Variants in VRTN observed in about 807,000 individuals in gnomAD.
VRTN encodes the protein vertnin.
Under a neutral mutation model 18.2 loss-of-function variants are expected in VRTN, and 5 were observed. That is an observed-to-expected ratio of 0.27 (90% CI 0.14 to 0.58). VRTN has a LOEUF of 0.58. Ranked by LOEUF, VRTN falls within the 20% of genes least tolerant of loss-of-function variation. VRTN has a pLI of 0.91. For synonymous variants in VRTN, 381 were observed against 393.7 expected (o/e 0.97, Z 0.38); for missense variants, 741 against 939.4 (o/e 0.79, Z 2.76).
At chr14:74,307,137 C>CTTTTTT (rs56345315) in intron 1 of VRTN, among the ~76,000 whole-genome samples, 111 of 87,674 alleles carry the variant, frequency 1.3e-3, no homozygotes, top group Middle Eastern at 9.4e-3. Flanking sequence ...TGTTGTGGCC[C>CTTTTTT]TTTTTTTTTT....
intron 1 of VRTN, among the ~76,000 whole-genome samples, chr14:74,309,476 C>A (rs115319072): frequency 6.6e-6 from 1 of 152,174 alleles, no homozygotes; most frequent in Non-Finnish European, 1.5e-5. Context: ...AAATCAACAG[C>A]CCACTTAAAG....
At chr14:74,339,933 G>A (rs559500957) in intron 2 of VRTN, among the ~76,000 whole-genome samples, 4 of 152,230 alleles carry the variant, frequency 2.6e-5, no homozygotes, top group Non-Finnish European at 5.9e-5. Context: ...TAGAATGAAT[G>A]AGAAGCCTTT....
At chr14:74,334,528 T>TCAAA (rs1419625290) in intron 1 of VRTN, among the ~76,000 whole-genome samples, 2 of 152,130 alleles carry the variant, frequency 1.3e-5, no homozygotes, top group Non-Finnish European at 2.9e-5. Context: ...AGACTCCATG[T>TCAAA]CAAACAAACA....
intron 1 of VRTN, among the ~76,000 whole-genome samples, chr14:74,352,082 C>G (rs763313957): frequency 3.5e-4 from 53 of 151,802 alleles, no homozygotes; most frequent in African/African-American, 1.2e-3. Context: ...GATCTCTTGA[C>G]CTTGTGATCC....
intron 1 of VRTN, among the ~76,000 whole-genome samples, chr14:74,315,742 C>T (rs1440272985): frequency 6.6e-6 from 1 of 152,186 alleles, no homozygotes; most frequent in African/African-American, 2.4e-5. Context: ...ACTGGATCCA[C>T]ACCCTGAGAC....
chr14:74,319,847 C>A (rs914967450), intron 1 of VRTN, among the ~76,000 whole-genome samples: 1 of 152,134 alleles, frequency 6.6e-6, no homozygotes, highest in African/African-American at 2.4e-5. Context: ...GGGAGTCCAA[C>A]ATCTAGTAGT....
chr14:74,339,410 C>A (rs551863495), intron 2 of VRTN, among the ~76,000 whole-genome samples: 10 of 151,690 alleles, frequency 6.6e-5, no homozygotes, highest in South Asian at 2.1e-4. Flanking sequence ...CACCAAGGGA[C>A]TCTGGATGGG....
chr14:74,310,266 A>G (rs1461489671), intron 1 of VRTN, among the ~76,000 whole-genome samples: 1 of 151,604 alleles, frequency 6.6e-6, no homozygotes, highest in Admixed American at 6.6e-5. Flanking sequence ...GCGTGGTGGC[A>G]CATTCCTGTA....
chr14:74,305,832 C>T (rs1006100286), intron 1 of VRTN, among the ~76,000 whole-genome samples: 3 of 152,000 alleles, frequency 2.0e-5, no homozygotes, highest in Non-Finnish European at 2.9e-5. Flanking sequence ...GACAGGGTTT[C>T]ACCATGTTGG....
At chr14:74,327,629 G>C (rs1173438810) in intron 1 of VRTN, among the ~76,000 whole-genome samples, 1 of 152,186 alleles carries the variant, frequency 6.6e-6, no homozygotes, top group Non-Finnish European at 1.5e-5. Flanking sequence ...GCTGCTCCGC[G>C]ATTCCTCCTT....
chr14:74,315,160 C>A (rs2085412069), intron 1 of VRTN, among the ~76,000 whole-genome samples: 1 of 152,176 alleles, frequency 6.6e-6, no homozygotes, highest in Non-Finnish European at 1.5e-5. Flanking sequence ...AAGTGCCATA[C>A]TTTGGGGTAT....
At chr14:74,322,638 G>T (rs2085463674) in intron 1 of VRTN, among the ~76,000 whole-genome samples, 1 of 152,086 alleles carries the variant, frequency 6.6e-6, no homozygotes, top group Non-Finnish European at 1.5e-5. Context: ...TCCTGTCATA[G>T]CCCCTATGGA....
rs1595177590 is a variant in VRTN, at chr14:74,357,704, G to A, written c.921G>A (p.Arg307=). The A allele has an allele frequency of 3.1e-6, 5 of 1,613,572 alleles. No individual in the cohort carries two copies. The East Asian group carries it at 1.1e-4, about 36-fold the overall frequency. ...GGCGGCGGCAGTCCCAGGAGCACCG[G>A]CAGAAGGTTGCTGCCCGCTTCTCCG... ...YRWRRQSQEH[R]QKVAARFSAK... is the part of the protein sequence containing the mutation. Residue 307 remains arginine, a synonymous_variant, in exon 2 of 2, where the codon CGG becomes CGA. Transcript: ENST00000256362. This position sits in a 1 kb window ranked among gnomAD's most constrained non-coding sequence, Gnocchi z 7.8.
rs1217342624 is a variant in VRTN, at chr14:74,359,222, A to G, written c.*330A>G. ...TGGAGTTGGAAGCCGTATGTATGTC[A>G]GGGGGTTTAGAGGGGGGTTGGTTAG... is the stretch of plus-strand genomic sequence containing the variant. On this transcript the variant is annotated 3_prime_UTR_variant, in exon 2 of 2. Coordinates refer to ENST00000256362, the MANE Select transcript of VRTN (RefSeq NM_018228.3). 17 of 263,400 alleles carry G rather than the reference A, an allele frequency of 6.5e-5. No individual in the cohort carries two copies. The highest frequency in any genetic ancestry group is 3.8e-5 in the Non-Finnish European group (5 of 131,426). The allele number at this position is 263,400 out of a possible 1,614,324, so 16.3% of individuals were successfully genotyped here.
At position 74,357,593 on chromosome 14, in the gene VRTN, C is replaced by G. The variant is rs764304788; in HGVS notation, c.810C>G (p.Thr270=). 25 of 1,613,962 alleles carry G rather than the reference C, an allele frequency of 1.5e-5. No homozygotes were observed. Among genetic ancestry groups the G allele is most frequent in the Non-Finnish European group, 2.0e-5 (24 of 1,180,042 alleles). ...CCCCACTCTCATCGCCGGCCAAGAC[C>G]CTGGAGCTGCTCAACCGTGAACCTG... The part of the protein sequence containing the change: ...ALAPLSSPAK[T]LELLNREPGL... The change falls in exon 2 of 2, where the codon ACC becomes ACG. Residue 270 remains threonine (T), a synonymous_variant. Transcript: ENST00000256362. The surrounding 1 kb of genome is among the most constrained non-coding windows in gnomAD (Gnocchi z 7.8).
intron 1 of VRTN, among the ~76,000 whole-genome samples, chr14:74,326,808 G>GC (rs11405130): frequency 1 from 152,268 of 152,272 alleles, 76,132 homozygotes; most frequent in Non-Finnish European, 1. Context: ...CATGGCCACG[G>GC]CTCAGGCCCA....
intron 1 of VRTN, among the ~76,000 whole-genome samples, chr14:74,316,949 T>G (rs2085423147): frequency 6.6e-6 from 1 of 152,084 alleles, no homozygotes; most frequent in Non-Finnish European, 1.5e-5. Flanking sequence ...GGGATTATTC[T>G]TGGGATGTTC....
At chr14:74,307,401 A>G (rs994947149) in intron 1 of VRTN, among the ~76,000 whole-genome samples, 2 of 152,090 alleles carry the variant, frequency 1.3e-5, no homozygotes, top group Non-Finnish European at 2.9e-5. Flanking sequence ...AAGTGCTGAG[A>G]TTACAGGCGT....
chr14:74,351,558 T>C (rs2085684673), intron 1 of VRTN, among the ~76,000 whole-genome samples: 1 of 143,212 alleles, frequency 7.0e-6, no homozygotes, highest in Admixed American at 7.3e-5. Context: ...TGGAGTGCAG[T>C]GGCATAATCT....
Sources: gnomAD v4.1 joint callset for allele counts (sites outside exome capture counted in the v4.1 genomes callset) on GRCh38, gnomAD v4.1.1 for gene constraint, Gnocchi (gnomAD v3.1) non-coding constraint, MANE v1.5 for transcripts, NCBI Gene and HGNC (gene_info 2026-07-23, HGNC 2026-07-21) for gene names.